Variants in ADGRB3 observed in about 807,000 individuals in gnomAD.
ADGRB3 encodes adhesion G protein-coupled receptor B3, also known as brain-specific angiogenesis inhibitor 3.
ADGRB3 carries 37 observed loss-of-function variants against 193.4 expected under a neutral mutation model. That is an observed-to-expected ratio of 0.19 (90% confidence interval 0.15 to 0.25). ADGRB3 has a LOEUF of 0.25. Among genes scored for constraint, ADGRB3 ranks in the 10% least tolerant of loss-of-function variants. The pLI is 1.00. For synonymous variants in ADGRB3, 690 were observed against 644.2 expected (o/e 1.07, Z -1.08); for missense variants, 1,637 against 1,852.9 (o/e 0.88, Z 2.14).
chr6:68,867,590 T>C (rs950563636), intron 3 of ADGRB3, among the ~76,000 whole-genome samples: 1 of 152,096 alleles, frequency 6.6e-6, no homozygotes. Context: ...CCCAGAATGG[T>C]AGGTCCACAG....
chr6:69,285,566 G>A (rs1436980489), intron 20 of ADGRB3, among the ~76,000 whole-genome samples: 2 of 152,090 alleles, frequency 1.3e-5, no homozygotes, highest in Non-Finnish European at 2.9e-5. Context: ...AGCTACTTGG[G>A]AGGCTGAGGC....
At position 69,261,785 on chromosome 6, in the gene ADGRB3, C is replaced by A. The variant is rs570244538; in HGVS notation, c.2814+22559C>A. Among the ~76,000 whole-genome samples, 5 of 151,778 alleles carry A rather than the reference C, an allele frequency of 3.3e-5. No individual in the cohort carries two copies. In the East Asian group the frequency reaches 9.7e-4, roughly 29 times the overall value. ...GCCAAAGCATTTTTACATTTCTGAG[C>A]AAAGGAAAGTTTTATGGTAGATACC... On this transcript the variant is annotated intron_variant, in intron 20 of 31. Coordinates refer to ENST00000370598, the MANE Select transcript of ADGRB3 (RefSeq NM_001704.3).
intron 3 of ADGRB3, among the ~76,000 whole-genome samples, chr6:68,849,941 A>G (rs1768363598): frequency 6.7e-6 from 1 of 149,968 alleles, no homozygotes; most frequent in Non-Finnish European, 1.5e-5. Context: ...ATGATTTTTT[A>G]AATCACCTTC....
At chr6:69,070,889 G>A (rs1772059459) in intron 16 of ADGRB3, among the ~76,000 whole-genome samples, 1 of 152,180 alleles carries the variant, frequency 6.6e-6, no homozygotes, top group African/African-American at 2.4e-5. Context: ...TGACATTATT[G>A]TTATCTTTTC....
At chr6:68,729,875 G>A (rs1366951823) in intron 3 of ADGRB3, among the ~76,000 whole-genome samples, 2 of 150,462 alleles carry the variant, frequency 1.3e-5, no homozygotes, top group East Asian at 2.0e-4. Flanking sequence ...AAATCTCTTC[G>A]GCCAAGTTAT....
chr6:69,036,907 G>A (rs1011423043), intron 13 of ADGRB3, among the ~76,000 whole-genome samples: 1 of 152,162 alleles, frequency 6.6e-6, no homozygotes, highest in Non-Finnish European at 1.5e-5. Flanking sequence ...GTAAGAAAAA[G>A]TCATAATCTG....
At chr6:68,777,821 A>G (rs1385053290) in intron 3 of ADGRB3, among the ~76,000 whole-genome samples, 1 of 152,138 alleles carries the variant, frequency 6.6e-6, no homozygotes, top group Non-Finnish European at 1.5e-5. Flanking sequence ...ATAGACATGT[A>G]CACAGGGTCT....
chr6:68,658,213 T>C (rs1561985236), intron 3 of ADGRB3, among the ~76,000 whole-genome samples: 1 of 151,256 alleles, frequency 6.6e-6, no homozygotes, highest in Non-Finnish European at 1.5e-5. Context: ...TAGTATCACA[T>C]TGAGAAGAGG....
chr6:69,148,784 G>A (rs1417299954), intron 17 of ADGRB3, among the ~76,000 whole-genome samples: 5 of 152,218 alleles, frequency 3.3e-5, no homozygotes, highest in Admixed American at 2.0e-4. Flanking sequence ...CTTCATGTTT[G>A]AAGGATATTT....
At chr6:68,684,756 A>C (rs1764952782) in intron 3 of ADGRB3, among the ~76,000 whole-genome samples, 1 of 152,192 alleles carries the variant, frequency 6.6e-6, no homozygotes, top group Non-Finnish European at 1.5e-5. Context: ...TATTTTTAAA[A>C]ATAGAACTGG....
intron 29 of ADGRB3, among the ~76,000 whole-genome samples, chr6:69,368,947 A>C (rs1327740918): frequency 1.3e-5 from 2 of 152,126 alleles, no homozygotes; most frequent in Non-Finnish European, 2.9e-5. Context: ...AGGAAAGAGC[A>C]TAGAAGGTTT....
chr6:68,650,814 A>C lies in ADGRB3; in HGVS notation c.757+11382A>C, dbSNP rs900954710. Among the ~76,000 whole-genome samples, 95 of 152,074 alleles carry C rather than the reference A, an allele frequency of 6.2e-4. 1 individual carries two copies. Among genetic ancestry groups the C allele is most frequent in the African/African-American group, 2.2e-3 (91 of 41,414 alleles). ...TTGTCCATTTGTTGCTTTTCACATC[A>C]AGAAAGGAGCCTGAGAGGAAAAGAA... On this transcript the variant is annotated intron_variant, in intron 3 of 31. Coordinates refer to ENST00000370598, the MANE Select transcript of ADGRB3 (RefSeq NM_001704.3).
intron 8 of ADGRB3, among the ~76,000 whole-genome samples, chr6:68,967,980 T>G (rs1012562930): frequency 6.6e-6 from 1 of 151,672 alleles, no homozygotes; most frequent in Admixed American, 6.6e-5. Flanking sequence ...TGAAGAAGGG[T>G]GGAGAAGGCC....
At chr6:69,141,594 A>T (rs314221) in intron 17 of ADGRB3, among the ~76,000 whole-genome samples, 1 of 151,818 alleles carries the variant, frequency 6.6e-6, no homozygotes, top group Non-Finnish European at 1.5e-5. Flanking sequence ...ATGAGGAAAT[A>T]TGAAGAGGTC....
At chr6:68,747,890 G>C (rs1222537909) in intron 3 of ADGRB3, among the ~76,000 whole-genome samples, 1 of 152,158 alleles carries the variant, frequency 6.6e-6, no homozygotes, top group Non-Finnish European at 1.5e-5. Flanking sequence ...TGGACTTACA[G>C]TTCCATATGG....
chr6:68,968,086 G>C (rs542839849), intron 8 of ADGRB3, among the ~76,000 whole-genome samples: 1 of 151,420 alleles, frequency 6.6e-6, no homozygotes, highest in African/African-American at 2.4e-5. Flanking sequence ...GTACTTGCAT[G>C]AAGAGAGGAC....
At chr6:68,903,362 AT>A (rs1467578367) in intron 3 of ADGRB3, among the ~76,000 whole-genome samples, 1 of 152,166 alleles carries the variant, frequency 6.6e-6, no homozygotes, top group Non-Finnish European at 1.5e-5. Context: ...CCGACCTCAT[AT>A]TTCTTAATGA....
chr6:69,359,133 G>C (rs976672040), intron 28 of ADGRB3, among the ~76,000 whole-genome samples: 1 of 151,354 alleles, frequency 6.6e-6, no homozygotes, highest in Non-Finnish European at 1.5e-5. Flanking sequence ...AACAAAATAG[G>C]TTCCCATATA....
At chr6:68,858,035 C>A (rs1765036399) in intron 3 of ADGRB3, among the ~76,000 whole-genome samples, 1 of 152,204 alleles carries the variant, frequency 6.6e-6, no homozygotes, top group Non-Finnish European at 1.5e-5. Context: ...TTGCCTTCCA[C>A]CATGATTGTG....
Sources: allele counts gnomAD v4.1 joint callset (sites outside exome capture counted in the v4.1 genomes callset), GRCh38; gene constraint gnomAD v4.1.1; transcripts MANE v1.5; gene names NCBI Gene and HGNC (gene_info 2026-07-23, HGNC 2026-07-21).